The following UBA6 variants were observed in gnomAD, a reference collection of about 807,000 sequenced individuals.
UBA6 encodes the protein ubiquitin-like modifier-activating enzyme 6.
In UBA6, 87 loss-of-function variants were observed where a neutral mutation model predicts 148.3. That is an observed-to-expected ratio of 0.59 (90% confidence interval 0.49 to 0.70). The LOEUF (loss-of-function observed/expected upper bound fraction) is 0.70, where lower values mean the gene tolerates loss of function less well. UBA6 is among the 30% of genes least tolerant of loss of function. UBA6 has a pLI of 0.00. For missense variants in UBA6, 1,186 were observed against 1,241.2 expected (o/e 0.96, Z 0.67); for synonymous variants, 376 against 401.0 (o/e 0.94, Z 0.75).
At chr4:67,650,503 T>G (rs1229776702) in intron 13 of UBA6, among the ~76,000 whole-genome samples, 1 of 152,040 alleles carries the variant, frequency 6.6e-6, no homozygotes, top group Non-Finnish European at 1.5e-5. Flanking sequence ...TAGCTAAATT[T>G]CCCCAAATAA....
rs750256567 is a variant in UBA6 at position 67,624,989 on chromosome 4, C to G, written c.2712+5G>C. The G allele has an allele frequency of 1.3e-6, 2 of 1,582,212 alleles. No individual in the cohort carries two copies. The highest frequency in any genetic ancestry group is 1.7e-6 in the Non-Finnish European group (2 of 1,158,100). ...GCATTTTTATTCAAGGAATAATAAA[C>G]TTACCAAGCCAGAAACTGTAGCAGT... On this transcript the variant is annotated splice_donor_5th_base_variant and intron_variant, in intron 29 of 32. Coordinates refer to ENST00000322244, the MANE Select transcript of UBA6 (RefSeq NM_018227.6).
chr4:67,637,850 CTTGT>C (rs991383763), intron 19 of UBA6, among the ~76,000 whole-genome samples: 1 of 151,922 alleles, frequency 6.6e-6, no homozygotes, highest in African/African-American at 2.4e-5. Context: ...CCTTTGTTCA[CTTGT>C]TTATCTGCTG....
intron 13 of UBA6, among the ~76,000 whole-genome samples, chr4:67,661,485 G>T (rs1729855782): frequency 6.6e-6 from 1 of 152,048 alleles, no homozygotes; most frequent in South Asian, 2.1e-4. Context: ...TTTGTCTCCT[G>T]CCATGATTGT....
chr4:67,620,509 G>A (rs960381201), intron 32 of UBA6, among the ~76,000 whole-genome samples: 6 of 152,142 alleles, frequency 3.9e-5, no homozygotes, highest in Admixed American at 2.6e-4. Flanking sequence ...TACAAGCAGA[G>A]GAAACAACTA....
chr4:67,699,769 AT>A (rs1054021648), intron 1 of UBA6, among the ~76,000 whole-genome samples: 1 of 151,906 alleles, frequency 6.6e-6, no homozygotes, highest in African/African-American at 2.4e-5. Flanking sequence ...CGCCCAGCTA[AT>A]TTTTTTGTAT....
intron 19 of UBA6, among the ~76,000 whole-genome samples, chr4:67,636,202 C>T (rs1048001893): frequency 9.9e-5 from 15 of 151,830 alleles, no homozygotes; most frequent in Admixed American, 2.6e-4. Context: ...GTAAATGGTC[C>T]CTGGATGAAT....
chr4:67,621,700 G>A (rs1254876727), intron 32 of UBA6, among the ~76,000 whole-genome samples: 1 of 152,182 alleles, frequency 6.6e-6, no homozygotes, highest in African/African-American at 2.4e-5. Context: ...CTATACTCGG[G>A]AGGCTGAGGC....
chr4:67,639,775 TTAA>T (rs1365506138), intron 18 of UBA6, among the ~76,000 whole-genome samples: 1 of 152,118 alleles, frequency 6.6e-6, no homozygotes, highest in African/African-American at 2.4e-5. Flanking sequence ...TAGTAAGAGA[TTAA>T]TAACAATAAA....
At chr4:67,649,535 T>C (rs1180489137) in intron 13 of UBA6, among the ~76,000 whole-genome samples, 2 of 152,202 alleles carry the variant, frequency 1.3e-5, no homozygotes, top group African/African-American at 2.4e-5. Context: ...GTCAGACATA[T>C]TTACAAATAA....
At chr4:67,649,957 CAGAGG>C (rs1729513423) in intron 13 of UBA6, among the ~76,000 whole-genome samples, 1 of 152,092 alleles carries the variant, frequency 6.6e-6, no homozygotes, top group South Asian at 2.1e-4. Context: ...TTCTTGTACA[CAGAGG>C]AGAGGACAGA....
intron 2 of UBA6, among the ~76,000 whole-genome samples, chr4:67,688,808 G>A (rs773773886): frequency 7.2e-5 from 11 of 151,916 alleles, no homozygotes; most frequent in Admixed American, 2.6e-4. Context: ...GAAAGGTTTC[G>A]TTTTATAGGG....
At chr4:67,671,919 G>A (rs1293590791) in intron 7 of UBA6, among the ~76,000 whole-genome samples, 1 of 151,972 alleles carries the variant, frequency 6.6e-6, no homozygotes, top group African/African-American at 2.4e-5. Context: ...AGTAATTCTT[G>A]ATCACTCACT....
intron 23 of UBA6, among the ~76,000 whole-genome samples, chr4:67,632,234 C>A (rs1262453942): frequency 6.6e-6 from 1 of 152,092 alleles, no homozygotes; most frequent in Non-Finnish European, 1.5e-5. Context: ...TCATTCTGTT[C>A]TTTTTAAAGA....
At chr4:67,622,968 C>A in intron 31 of UBA6, 43 bp from the exon 32 acceptor site, 1 of 1,516,086 alleles carries the variant, frequency 6.6e-7, no homozygotes, top group South Asian at 1.2e-5. Context: ...AAGCCTCGCT[C>A]AAACATAAAA....
chr4:67,642,965 C>A lies in UBA6; in HGVS notation c.1476+1733G>T, dbSNP rs1013063109. 7.9e-5 allele frequency among the ~76,000 whole-genome samples: 12 copies of A among 151,870 alleles called. No individual in the cohort carries two copies. The East Asian group carries it at 1.7e-3, about 22-fold the overall frequency. On this transcript the variant is annotated intron_variant, in intron 17 of 32. Transcript: ENST00000322244. ...TTTATCTTCGATTTGTCCATTCTCACCTCAGTTATATTTAAATTTTAATAT... is the reference window on the plus strand; with the variant it reads ...TTTATCTTCGATTTGTCCATTCTCAACTCAGTTATATTTAAATTTTAATAT...
In UBA6 at chr4:67,631,977, A is replaced by G; in HGVS notation, c.2143-69T>C. On this transcript the variant is annotated intron_variant, in intron 23 of 32. Transcript: ENST00000322244. ...ATCTGAGGAAAAATTAAAAAATAAA[A>G]TTAAAAAATGTGTGTAGTAAATATA... The G allele has an allele frequency of 2.1e-6, 3 of 1,423,800 alleles. No individual in the cohort carries two copies. In the Admixed American group the frequency reaches 6.8e-5, roughly 32 times the overall value. The allele number at this position is 1,423,800 out of a possible 1,614,324, so 88.2% of individuals were successfully genotyped here.
chr4:67,700,901 T>G, intron 1 of UBA6, 148 bp downstream of exon 1: 1 of 903,362 alleles, frequency 1.1e-6, no homozygotes, highest in East Asian at 2.6e-5. Flanking sequence ...CCACACCCAC[T>G]CCGCGCGCGC....
chr4:67,647,247 A>C (rs182010723), intron 14 of UBA6, among the ~76,000 whole-genome samples: 1 of 151,954 alleles, frequency 6.6e-6, no homozygotes, highest in Non-Finnish European at 1.5e-5. Context: ...CTGCCTCCTG[A>C]GTTCAAGTGA....
chr4:67,635,627 CA>C (rs1190632438), intron 19 of UBA6, 69 bp from the exon 20 acceptor site: 15 of 931,122 alleles, frequency 1.6e-5, no homozygotes, highest in Non-Finnish European at 2.6e-5. Flanking sequence ...GGACAACCTA[CA>C]ACTTTCTATT....
Sources: gnomAD v4.1 joint callset for allele counts (sites outside exome capture counted in the v4.1 genomes callset) on GRCh38, gnomAD v4.1.1 for gene constraint, MANE v1.5 for transcripts, NCBI Gene and HGNC (gene_info 2026-07-23, HGNC 2026-07-21) for gene names.